Variants in GRM7 observed in about 807,000 individuals in gnomAD.
GRM7 encodes the protein metabotropic glutamate receptor 7.
Under a neutral mutation model 84.5 loss-of-function variants are expected in GRM7, and 35 were observed. That is an observed-to-expected ratio of 0.41 (90% CI 0.32 to 0.55). The LOEUF (loss-of-function observed/expected upper bound fraction) is 0.55. Ranked by LOEUF, GRM7 falls within the 20% of genes least tolerant of loss-of-function variation. The pLI is 0.19. For synonymous variants in GRM7, 487 were observed against 455.1 expected (o/e 1.07, Z -0.89); for missense variants, 1,003 against 1,194.6 (o/e 0.84, Z 2.36).
intron 2 of GRM7, among the ~76,000 whole-genome samples, chr3:7,254,910 T>C (rs376131061): frequency 6.6e-6 from 1 of 152,240 alleles, no homozygotes; most frequent in Non-Finnish European, 1.5e-5. Context: ...TTGGTACTAC[T>C]TCTATAATCA....
intron 1 of GRM7, among the ~76,000 whole-genome samples, chr3:7,130,944 C>T (rs577925389): frequency 2.0e-5 from 3 of 152,102 alleles, no homozygotes; most frequent in Admixed American, 6.6e-5. Flanking sequence ...CTCACTCACA[C>T]ACACACACAC....
intron 2 of GRM7, among the ~76,000 whole-genome samples, chr3:7,228,914 C>A (rs145983789): frequency 1.3e-5 from 2 of 152,134 alleles, no homozygotes; most frequent in Non-Finnish European, 2.9e-5. Context: ...TTGGGTGAAG[C>A]ATTAATAGTT....
intron 1 of GRM7, among the ~76,000 whole-genome samples, chr3:6,869,791 G>A (rs981729532): frequency 1.3e-5 from 2 of 152,170 alleles, no homozygotes; most frequent in African/African-American, 2.4e-5. Flanking sequence ...TAACAGCAAG[G>A]CTAAGAGCAG....
At chr3:7,662,492 G>C (rs1182825167) in intron 8 of GRM7, among the ~76,000 whole-genome samples, 4 of 152,094 alleles carry the variant, frequency 2.6e-5, no homozygotes, top group African/African-American at 9.7e-5. Flanking sequence ...ATTGTATTTT[G>C]GATTGAGGAA....
intron 5 of GRM7, among the ~76,000 whole-genome samples, chr3:7,443,949 C>G (rs1378605528): frequency 6.6e-6 from 1 of 151,980 alleles, no homozygotes; most frequent in Non-Finnish European, 1.5e-5. Context: ...TCCAAACTAA[C>G]AAACAAAAAA....
intron 1 of GRM7, among the ~76,000 whole-genome samples, chr3:7,120,605 T>A (rs1189010251): frequency 6.6e-6 from 1 of 152,146 alleles, no homozygotes; most frequent in Non-Finnish European, 1.5e-5. Flanking sequence ...CATATAGTTA[T>A]ATATATTGCC....
At chr3:7,087,470 A>T (rs1698500920) in intron 1 of GRM7, among the ~76,000 whole-genome samples, 1 of 152,030 alleles carries the variant, frequency 6.6e-6, no homozygotes, top group South Asian at 2.1e-4. Context: ...TAGGGAAAAG[A>T]CAAGTTTATT....
intron 1 of GRM7, among the ~76,000 whole-genome samples, chr3:7,145,539 G>A (rs1694080638): frequency 1.3e-5 from 2 of 152,134 alleles, no homozygotes; most frequent in Non-Finnish European, 1.5e-5. Flanking sequence ...TAGCAAAGTA[G>A]ATGTGTTAGG....
At chr3:7,414,394 G>A (rs1243311195) in intron 4 of GRM7, among the ~76,000 whole-genome samples, 1 of 152,052 alleles carries the variant, frequency 6.6e-6, no homozygotes, top group Admixed American at 6.6e-5. Flanking sequence ...TCATAGATTT[G>A]GGATTTGAGC....
chr3:7,274,414 CTT>C (rs1345402659), intron 2 of GRM7, among the ~76,000 whole-genome samples: 1 of 151,952 alleles, frequency 6.6e-6, no homozygotes, highest in Non-Finnish European at 1.5e-5. Flanking sequence ...TCTAAAAAAA[CTT>C]TTAACATTTT....
intron 1 of GRM7, among the ~76,000 whole-genome samples, chr3:7,050,362 G>T (rs1696949364): frequency 6.6e-6 from 1 of 151,856 alleles, no homozygotes; most frequent in Non-Finnish European, 1.5e-5. Context: ...ATCTCATTTT[G>T]CATGTGAAGA....
At chr3:6,975,929 G>A (rs149133967) in intron 1 of GRM7, among the ~76,000 whole-genome samples, 1 of 152,204 alleles carries the variant, frequency 6.6e-6, no homozygotes, top group African/African-American at 2.4e-5. Context: ...ATGAACATGT[G>A]ATCAGAATCA....
chr3:7,375,450 C>G (rs1163879359), intron 4 of GRM7, among the ~76,000 whole-genome samples: 1 of 151,976 alleles, frequency 6.6e-6, no homozygotes, highest in Non-Finnish European at 1.5e-5. Context: ...GAACTCCTGA[C>G]CTTGTGATCC....
intron 9 of GRM7, among the ~76,000 whole-genome samples, chr3:7,709,993 C>G (rs1212256915): frequency 6.6e-6 from 1 of 152,076 alleles, no homozygotes; most frequent in African/African-American, 2.4e-5. Context: ...AGAATTCGGA[C>G]AGGTCATGGG....
At chr3:6,989,948 C>T (rs912360892) in intron 1 of GRM7, among the ~76,000 whole-genome samples, 5 of 152,234 alleles carry the variant, frequency 3.3e-5, no homozygotes, top group South Asian at 2.1e-4. Flanking sequence ...ACAGCTGTTG[C>T]TTCCCTTTAT....
chr3:7,204,156 C>T (rs1480736953), intron 2 of GRM7, among the ~76,000 whole-genome samples: 1 of 152,130 alleles, frequency 6.6e-6, no homozygotes, highest in African/African-American at 2.4e-5. Context: ...TTGACAAGGA[C>T]TCTGGCCCTG....
intron 2 of GRM7, among the ~76,000 whole-genome samples, chr3:7,193,287 T>C (rs1263142757): frequency 6.6e-6 from 1 of 152,070 alleles, no homozygotes; most frequent in African/African-American, 2.4e-5. Context: ...TGATCTCTGA[T>C]TGTGTGGATT....
chr3:7,300,163 T>C (rs946044552), intron 3 of GRM7, among the ~76,000 whole-genome samples: 1 of 152,204 alleles, frequency 6.6e-6, no homozygotes, highest in Admixed American at 6.5e-5. Flanking sequence ...GTCTATCTTA[T>C]AGTTCAAAAT....
intron 4 of GRM7, among the ~76,000 whole-genome samples, chr3:7,412,188 G>T (rs985842082): frequency 2.0e-5 from 3 of 152,178 alleles, no homozygotes; most frequent in Non-Finnish European, 2.9e-5. Flanking sequence ...GAAGGAAGCA[G>T]ACCCTCTGTT....
Sources: gnomAD v4.1 joint callset for allele counts (sites outside exome capture counted in the v4.1 genomes callset) on GRCh38, gnomAD v4.1.1 for gene constraint, MANE v1.5 for transcripts, NCBI Gene and HGNC (gene_info 2026-07-23, HGNC 2026-07-21) for gene names.